The following ACACB variants were observed in gnomAD, a reference collection of about 807,000 sequenced individuals.
The protein encoded by ACACB is acetyl-CoA carboxylase beta, also known as acetyl-CoA carboxylase 2.
A neutral mutation model predicts 278.8 loss-of-function variants in ACACB; 209 were observed. The observed-to-expected ratio is 0.75, with a 90% CI of 0.67 to 0.84. ACACB has a LOEUF of 0.84. Ranked by LOEUF, ACACB falls within the 40% of genes least tolerant of loss-of-function variation. The pLI is 0.00. For synonymous variants in ACACB, 1,174 were observed against 1,285.6 expected, an observed-to-expected ratio of 0.91 and a Z score of 1.86; for missense variants, 2,850 against 3,269.0, an observed-to-expected ratio of 0.87 and a Z score of 3.13.
chr12:109,159,590 A>G (rs557222307), intron 2 of ACACB, among the ~76,000 whole-genome samples: 1 of 152,282 alleles, frequency 6.6e-6, no homozygotes, highest in Admixed American at 6.5e-5. Flanking sequence ...GCCTAGGAGG[A>G]TGGCCGCAGT....
At position 109,238,563 on chromosome 12, in the gene ACACB, A is replaced by G. The variant is rs564599749; in HGVS notation, c.4662+1183A>G. Among the ~76,000 whole-genome samples, 23 of 145,628 alleles carry G rather than the reference A, an allele frequency of 1.6e-4. No individual in the cohort carries two copies. In the East Asian group the frequency reaches 4.6e-3, roughly 29 times the overall value. On this transcript the variant is annotated intron_variant, in intron 34 of 52. Coordinates refer to ENST00000338432, the MANE Select transcript of ACACB (RefSeq NM_001093.4). ...TTATATAAATGTATATATAATTATTATATATATATATTTTTTTGGAGATGG... is the reference window on the plus strand; with the variant it reads ...TTATATAAATGTATATATAATTATTGTATATATATATTTTTTTGGAGATGG...
chr12:109,229,642 G>A (rs947114201), intron 28 of ACACB, among the ~76,000 whole-genome samples: 3 of 152,124 alleles, frequency 2.0e-5, no homozygotes, highest in Admixed American at 2.0e-4. Context: ...CGATTCTCCT[G>A]CCTCAGCCTC....
chr12:109,111,804 G>T (rs1357621824), upstream of ACACB, among the ~76,000 whole-genome samples: 3 of 152,152 alleles, frequency 2.0e-5, no homozygotes, highest in Non-Finnish European at 4.4e-5. Flanking sequence ...ACTAGCAAAT[G>T]CATTTCTTAA....
chr12:109,257,627 G>A (rs1273579035), intron 45 of ACACB, among the ~76,000 whole-genome samples: 1 of 152,160 alleles, frequency 6.6e-6, no homozygotes, highest in African/African-American at 2.4e-5. Flanking sequence ...CTGGAGTGCA[G>A]AGGCATGATC....
chr12:109,147,421 T>G (rs1439222211), intron 2 of ACACB, among the ~76,000 whole-genome samples: 2 of 150,808 alleles, frequency 1.3e-5, no homozygotes, highest in African/African-American at 4.9e-5. Context: ...TTTTTAGTAT[T>G]TTTAGTAGAC....
rs192686610 is a variant in ACACB, at chr12:109,242,487, G to A, written c.5073G>A (p.Leu1691=). ...GNKQGPQHGM[L]INTPYVTKDL... Reference sequence around the variant, plus strand: ...AGCAAGGGCCCCAGCACGGGATGCTGATCAATACTCCCTACGTCACCAAGG... The same window carrying A: ...AGCAAGGGCCCCAGCACGGGATGCTAATCAATACTCCCTACGTCACCAAGG... Residue 1691 remains leucine (L), a synonymous_variant, in exon 37 of 53, where the codon CTG becomes CTA. Transcript: ENST00000338432. 1 of 1,614,132 alleles carries A rather than the reference G, an allele frequency of 6.2e-7. No homozygotes were observed. Among genetic ancestry groups the A allele is most frequent in the Non-Finnish European group, 8.5e-7 (1 of 1,180,006 alleles).
chr12:109,178,362 G>A (rs941849498), intron 9 of ACACB, among the ~76,000 whole-genome samples: 5 of 152,164 alleles, frequency 3.3e-5, no homozygotes, highest in African/African-American at 9.7e-5. Flanking sequence ...GATTCCACCC[G>A]GGAGAGCTAG....
chr12:109,203,231 T>G (rs1041561582), intron 19 of ACACB, among the ~76,000 whole-genome samples: 1 of 152,132 alleles, frequency 6.6e-6, no homozygotes, highest in African/African-American at 2.4e-5. Flanking sequence ...CTTGTAGGGG[T>G]GAATCACATT....
chr12:109,219,641 AACTG>A (rs2136491447), intron 24 of ACACB, among the ~76,000 whole-genome samples: 1 of 152,338 alleles, frequency 6.6e-6, no homozygotes, highest in African/African-American at 2.4e-5. Flanking sequence ...TGGTGTCTGC[AACTG>A]ACTTTCAGAA....
rs113937027 is a variant in ACACB, at chr12:109,221,415, G to A, written c.3565-1092G>A. Among the ~76,000 whole-genome samples, 153 of 152,272 alleles carry A rather than the reference G, an allele frequency of 1.0e-3. 2 individuals carry two copies. Among genetic ancestry groups the A allele is most frequent in the Non-Finnish European group, 1.9e-3 (127 of 68,024 alleles). Reference sequence around the variant, plus strand: ...TTCAGTGGGTGGTTAGGGAGCACCTGCGCTGAGCTGTTCCCAAGCCCCATA... The same window carrying A: ...TTCAGTGGGTGGTTAGGGAGCACCTACGCTGAGCTGTTCCCAAGCCCCATA... On this transcript the variant is annotated intron_variant, in intron 24 of 52. Coordinates refer to ENST00000338432, the MANE Select transcript of ACACB (RefSeq NM_001093.4).
At chr12:109,155,502 A>T (rs1178834043) in intron 2 of ACACB, among the ~76,000 whole-genome samples, 2 of 152,162 alleles carry the variant, frequency 1.3e-5, no homozygotes, top group Non-Finnish European at 2.9e-5. Context: ...AATTCAGAAA[A>T]TTATAGATAA....
chr12:109,180,979 C>T (rs1003018263), intron 11 of ACACB, among the ~76,000 whole-genome samples: 2 of 152,124 alleles, frequency 1.3e-5, no homozygotes, highest in Non-Finnish European at 2.9e-5. Flanking sequence ...ATGCCCCTAC[C>T]TCTTCCTTTC....
At chr12:109,221,511 T>C (rs2046159428) in intron 24 of ACACB, among the ~76,000 whole-genome samples, 1 of 152,172 alleles carries the variant, frequency 6.6e-6, no homozygotes, top group Non-Finnish European at 1.5e-5. Context: ...GAAAGGCCCT[T>C]CTTTCAGAAG....
rs566751207 is a variant in ACACB, at chr12:109,222,883, G to A, written c.3763G>A (p.Gly1255Ser). The change falls in exon 26 of 53, where the codon GGC becomes AGC. Residue 1255 changes from glycine to serine, a missense_variant. Gly to Ser is a moderately conservative substitution (Grantham distance 56). Around this residue, in one of 3 missense-constraint regions of ACACB, gnomAD observed 2,265 missense variants for 2,561.3 expected, o/e 0.88. Coordinates refer to ENST00000338432, the MANE Select transcript of ACACB (RefSeq NM_001093.4). ...TTTCCTGTCTGCCATTGACATGTAC[G>A]GCCACCAGTTCTGCCCCGAGAACCT... ...SIFLSAIDMY[G>S]HQFCPENLKK... is the part of the protein sequence containing the mutation. 23 of 1,613,122 alleles carry A rather than the reference G, an allele frequency of 1.4e-5. No homozygotes were observed. The highest frequency in any genetic ancestry group is 1.2e-4 in the Admixed American group (7 of 59,918).
intron 28 of ACACB, among the ~76,000 whole-genome samples, chr12:109,229,774 C>A: frequency 6.6e-6 from 1 of 152,148 alleles, no homozygotes; most frequent in Non-Finnish European, 1.5e-5. Flanking sequence ...CTCAAATGAT[C>A]TGTCCACCTC....
At chr12:109,185,525 G>C in intron 11 of ACACB, 54 bp from the exon 12 acceptor site, 1 of 1,600,960 alleles carries the variant, frequency 6.2e-7, no homozygotes, top group African/African-American at 1.3e-5. Flanking sequence ...CTGGTGTTTT[G>C]GGGCCGTGTT....
At chr12:109,181,840 CTTTTTT>C (rs34174568) in intron 11 of ACACB, among the ~76,000 whole-genome samples, 2 of 81,550 alleles carry the variant, frequency 2.5e-5, no homozygotes, top group African/African-American at 1.0e-4. Context: ...TTTTCCTTTC[CTTTTTT>C]TTTTTTTTTT....
chr12:109,215,253 C>G (rs2045959615), intron 22 of ACACB, among the ~76,000 whole-genome samples: 1 of 151,830 alleles, frequency 6.6e-6, no homozygotes, highest in South Asian at 2.1e-4. Flanking sequence ...TTGGCTACCC[C>G]TGTTCAGTAT....
intron 28 of ACACB, among the ~76,000 whole-genome samples, chr12:109,230,412 C>T: frequency 1.7e-5 from 1 of 58,078 alleles, no homozygotes; most frequent in Non-Finnish European, 3.2e-5. Context: ...CTGAGAAGGA[C>T]TCTTTTGATT....
Sources: allele counts gnomAD v4.1 joint callset (sites outside exome capture counted in the v4.1 genomes callset), GRCh38; gene constraint gnomAD v4.1.1; regional missense constraint gnomAD v4.1.1; transcripts MANE v1.5; gene names NCBI Gene and HGNC (gene_info 2026-07-23, HGNC 2026-07-21).